Variants in GPAT3 observed in about 807,000 individuals in gnomAD.
GPAT3 encodes glycerol-3-phosphate acyltransferase 3.
In GPAT3, 53 loss-of-function variants were observed where a neutral mutation model predicts 58.8. The observed-to-expected ratio is 0.90, with a 90% confidence interval of 0.72 to 1.13. The LOEUF (loss-of-function observed/expected upper bound fraction) is 1.13, where lower values mean the gene tolerates loss of function less well. Ranked by LOEUF, GPAT3 falls within the 50% of genes most tolerant of loss-of-function variation. GPAT3 has a pLI of 0.00. For synonymous variants in GPAT3, 197 were observed against 187.4 expected, an observed-to-expected ratio of 1.05 and a Z score of -0.42; for missense variants, 511 against 527.6, an observed-to-expected ratio of 0.97 and a Z score of 0.31.
intron 2 of GPAT3, among the ~76,000 whole-genome samples, chr4:83,563,224 A>T (rs182150006): frequency 6.6e-6 from 1 of 152,328 alleles, no homozygotes; most frequent in African/African-American, 2.4e-5. Flanking sequence ...GTTATTGTGT[A>T]AACACTTTAA....
At position 83,581,591 on chromosome 4, in the gene GPAT3, G is replaced by GA. The variant is rs752208364; in HGVS notation, c.243dup (p.Gly82ArgfsTer11). The stretch of plus-strand genomic sequence containing the variant: ...TATCCAAAGAGATGAGTCACCCATG[G>GA]AAAAAGGGCTCTCTGGTCTACGAGG... On this transcript the variant is annotated frameshift_variant, in exon 3 of 12. Coordinates refer to ENST00000264409, the MANE Select transcript of GPAT3 (RefSeq NM_032717.5). LOFTEE classifies it high-confidence loss of function. 4 of 1,613,942 alleles carry GA rather than the reference G, an allele frequency of 2.5e-6. No homozygotes were observed. The highest frequency in any genetic ancestry group is 1.1e-5 in the South Asian group (1 of 91,064).
At chr4:83,544,647 G>A in intron 2 of GPAT3, 45 bp downstream of exon 2, 2 of 1,588,858 alleles carry the variant, frequency 1.3e-6, no homozygotes, top group Non-Finnish European at 1.7e-6. Context: ...TTTAAATTGG[G>A]TGGATGTAAA....
Position 83,596,912 on chromosome 4 carries a change from A to G in GPAT3, c.909A>G (p.Glu303=), listed in dbSNP as rs1023040772. The G allele has an allele frequency of 1.2e-6, 2 of 1,602,100 alleles. No individual in the cohort carries two copies. The highest frequency in any genetic ancestry group is 1.8e-5 in the Admixed American group (1 of 56,430). The change falls in exon 8 of 12, where the codon GAA becomes GAG. Residue 303 remains glutamate, a splice_region_variant and synonymous_variant. Transcript: ENST00000264409. ...AACTACCCATACTAATTTTTCCTGA[A>G]GGTAAGAATGGGCCTGCCTCCCGAG... ...KKKLPILIFP[E]GTCINNTSVM...
chr4:83,556,511 A>AG (rs1237715722), intron 2 of GPAT3, among the ~76,000 whole-genome samples: 2 of 151,848 alleles, frequency 1.3e-5, no homozygotes, highest in South Asian at 2.1e-4. Context: ...AAAAAAAAAA[A>AG]AGAAAAAGAA....
intron 5 of GPAT3, among the ~76,000 whole-genome samples, chr4:83,589,307 A>G (rs1021549582): frequency 1.3e-5 from 2 of 152,194 alleles, no homozygotes; most frequent in African/African-American, 4.8e-5. Context: ...ACTTTGCTTT[A>G]TTGGTGTCAA....
intron 6 of GPAT3, among the ~76,000 whole-genome samples, chr4:83,590,798 A>G (rs371938412): frequency 3.9e-5 from 6 of 152,136 alleles, no homozygotes; most frequent in Admixed American, 1.3e-4. Context: ...AGAAAATGAA[A>G]CAAACCCAAG....
chr4:83,578,338 T>C (rs1725896779), intron 2 of GPAT3, among the ~76,000 whole-genome samples: 1 of 152,186 alleles, frequency 6.6e-6, no homozygotes. Context: ...CTACATACTT[T>C]TGAAAGATGC....
intron 2 of GPAT3, among the ~76,000 whole-genome samples, chr4:83,562,608 A>G (rs1383693276): frequency 6.6e-6 from 1 of 151,992 alleles, no homozygotes; most frequent in Non-Finnish European, 1.5e-5. Context: ...CATAGTTGGG[A>G]ATTATTTGCA....
chr4:83,592,632 C>A (rs1217622696), intron 6 of GPAT3, among the ~76,000 whole-genome samples: 1 of 152,114 alleles, frequency 6.6e-6, no homozygotes, highest in African/African-American at 2.4e-5. Context: ...TCCCTCTAGA[C>A]AAAGACCTCT....
chr4:83,536,267 C>T lies in GPAT3; in HGVS notation c.-356C>T. On this transcript the variant is annotated 5_prime_UTR_variant, in exon 1 of 12. Coordinates refer to ENST00000264409, the MANE Select transcript of GPAT3 (RefSeq NM_032717.5). ...AGAGGAAATCAGGCACCGGGCGGGG[C>T]GGGTTCCTGGCTGCGCTCGCGCGCT... The T allele has an allele frequency of 9.7e-7, 1 of 1,026,904 alleles. No individual in the cohort carries two copies. The highest frequency in any genetic ancestry group is 1.2e-6 in the Non-Finnish European group (1 of 857,296). The allele number at this position is 1,026,904 out of a possible 1,614,324, so 63.6% of individuals were successfully genotyped here.
chr4:83,553,391 A>C (rs1003126574), intron 2 of GPAT3, among the ~76,000 whole-genome samples: 1 of 152,204 alleles, frequency 6.6e-6, no homozygotes, highest in Non-Finnish European at 1.5e-5. Context: ...AACAACGTGG[A>C]TAGTATTCCT....
chr4:83,563,478 CTTTTTTTTTT>C (rs908400401), intron 2 of GPAT3, among the ~76,000 whole-genome samples: 2 of 114,454 alleles, frequency 1.7e-5, no homozygotes, highest in Non-Finnish European at 3.7e-5. Context: ...TTTCTTTCTT[CTTTTTTTTTT>C]TTTTTTTTTT....
In GPAT3 at chr4:83,536,200, G is replaced by A. The variant is rs1724074147; in HGVS notation, c.-423G>A. ...CCCGCAGGGAACCTGGCTCGGGGAGGGCCTCCGTGAGTCATCTGCTGAGTT... is the reference window on the plus strand; with the variant it reads ...CCCGCAGGGAACCTGGCTCGGGGAGAGCCTCCGTGAGTCATCTGCTGAGTT... On this transcript the variant is annotated 5_prime_UTR_variant, in exon 1 of 12. Transcript: ENST00000264409. The A allele has an allele frequency of 2.0e-6, 2 of 987,846 alleles. No individual in the cohort carries two copies. Among genetic ancestry groups the A allele is most frequent in the Non-Finnish European group, 1.2e-6 (1 of 831,734 alleles). The allele number at this position is 987,846 out of a possible 1,614,324, so 61.2% of individuals were successfully genotyped here. A position where few individuals can be genotyped will look rare whatever the true frequency, so the allele number is the denominator to read the frequency against.
chr4:83,572,368 C>A (rs2110089726), intron 2 of GPAT3, among the ~76,000 whole-genome samples: 1 of 152,296 alleles, frequency 6.6e-6, no homozygotes, highest in Middle Eastern at 3.4e-3. Flanking sequence ...TTCTTAAGTG[C>A]ATTTTTAAGC....
intron 2 of GPAT3, among the ~76,000 whole-genome samples, chr4:83,571,773 G>A (rs1345092637): frequency 6.7e-6 from 1 of 149,482 alleles, no homozygotes; most frequent in Non-Finnish European, 1.5e-5. Context: ...CACATATATA[G>A]TTTTGTTGTT....
chr4:83,545,213 G>A (rs931076494), intron 2 of GPAT3, among the ~76,000 whole-genome samples: 2 of 152,170 alleles, frequency 1.3e-5, no homozygotes, highest in African/African-American at 2.4e-5. Flanking sequence ...GGCTGAGGCC[G>A]GCAGATCGCT....
chr4:83,561,515 T>C (rs1725125390), intron 2 of GPAT3, among the ~76,000 whole-genome samples: 1 of 152,154 alleles, frequency 6.6e-6, no homozygotes, highest in Non-Finnish European at 1.5e-5. Context: ...TCATTGTCAG[T>C]GACTCATTGT....
At chr4:83,563,478 C>CTTTTTTTTT (rs908400401) in intron 2 of GPAT3, among the ~76,000 whole-genome samples, 9 of 114,454 alleles carry the variant, frequency 7.9e-5, no homozygotes, top group Non-Finnish European at 1.3e-4. Flanking sequence ...TTTCTTTCTT[C>CTTTTTTTTT]TTTTTTTTTT....
At chr4:83,554,256 G>A (rs916452096) in intron 2 of GPAT3, among the ~76,000 whole-genome samples, 2 of 152,184 alleles carry the variant, frequency 1.3e-5, no homozygotes, top group African/African-American at 4.8e-5. Flanking sequence ...GCCTCCCAGA[G>A]TGCTCAGATT....
Sources: allele counts gnomAD v4.1 joint callset (sites outside exome capture counted in the v4.1 genomes callset), GRCh38; gene constraint gnomAD v4.1.1; transcripts MANE v1.5; gene names NCBI Gene and HGNC (gene_info 2026-07-23, HGNC 2026-07-21).